The following ARIH1 variants were observed in gnomAD, a reference collection of about 807,000 sequenced individuals.
ARIH1 encodes the protein E3 ubiquitin-protein ligase ARIH1.
In ARIH1, 8 loss-of-function variants were observed where a neutral mutation model predicts 85.0. That is an observed-to-expected ratio of 0.09 (90% CI 0.06 to 0.17). The LOEUF (loss-of-function observed/expected upper bound fraction) is 0.17. Ranked by LOEUF, ARIH1 falls within the 10% of genes least tolerant of loss-of-function variation. The pLI, the probability that ARIH1 is intolerant of heterozygous loss-of-function variation, is 1.00. For missense variants in ARIH1, 311 were observed against 718.1 expected, an observed-to-expected ratio of 0.43 and a Z score of 6.48; for synonymous variants, 238 against 253.6, an observed-to-expected ratio of 0.94 and a Z score of 0.59.
At chr15:72,539,535 GA>G (rs1291605607) in intron 2 of ARIH1, among the ~76,000 whole-genome samples, 3 of 152,150 alleles carry the variant, frequency 2.0e-5, no homozygotes, top group African/African-American at 7.2e-5. Context: ...AGGCATTACA[GA>G]AAATAGGTCT....
intron 2 of ARIH1, among the ~76,000 whole-genome samples, chr15:72,532,169 T>TTC (rs1160774513): frequency 6.6e-6 from 1 of 151,812 alleles, no homozygotes; most frequent in African/African-American, 2.4e-5. Flanking sequence ...CGTAAGATTT[T>TTC]TTTTTTTTTT....
In ARIH1 at chr15:72,545,110, G is replaced by A. The variant is rs1454002896; in HGVS notation, c.588+146G>A. 3 of 705,044 alleles carry A rather than the reference G, an allele frequency of 4.3e-6. No homozygotes were observed. In the Admixed American group the frequency reaches 1.2e-4, roughly 28 times the overall value. The allele number at this position is 705,044 out of a possible 1,614,324, so 43.7% of individuals were successfully genotyped here. ...TATCAATGTATTCAGTGTGAGGAAAGGAAGAAAAAGAGTAAAAGCTTGGTT... is the reference window on the plus strand; with the variant it reads ...TATCAATGTATTCAGTGTGAGGAAAAGAAGAAAAAGAGTAAAAGCTTGGTT... On this transcript the variant is annotated intron_variant, in intron 3 of 13. Transcript: ENST00000379887.
At position 72,595,309 on chromosome 15, in the gene ARIH1, A is replaced by T. The variant is rs954281269; in HGVS notation, c.*12017A>T. 4 of 152,166 alleles carry T rather than the reference A, an allele frequency of 2.6e-5. No homozygotes were observed. The highest frequency in any genetic ancestry group is 9.7e-5 in the African/African-American group (4 of 41,390). The allele number at this position is 152,166 out of a possible 1,614,324, so 9.4% of individuals were successfully genotyped here. On this transcript the variant is annotated 3_prime_UTR_variant, in exon 14 of 14. Coordinates refer to ENST00000379887, the MANE Select transcript of ARIH1 (RefSeq NM_005744.5). ...ACCCTCCTGCCTCAGCCTCCTGAGT[A>T]GCTAGGAATACAGGTGCATGTCACC...
At chr15:72,488,713 CT>C (rs1397518775) in intron 1 of ARIH1, among the ~76,000 whole-genome samples, 1 of 152,144 alleles carries the variant, frequency 6.6e-6, no homozygotes, top group Non-Finnish European at 1.5e-5. Flanking sequence ...TCTCAGTTTC[CT>C]TGTGGTAAAC....
At chr15:72,507,736 TG>T (rs543328365) in intron 1 of ARIH1, among the ~76,000 whole-genome samples, 28 of 152,238 alleles carry the variant, frequency 1.8e-4, no homozygotes, top group Non-Finnish European at 3.4e-4. Flanking sequence ...GAGAACTACT[TG>T]ATCAAAGGAT....
intron 1 of ARIH1, among the ~76,000 whole-genome samples, chr15:72,476,364 G>A (rs955913322): frequency 9.2e-5 from 14 of 152,100 alleles, no homozygotes; most frequent in African/African-American, 3.4e-4. Flanking sequence ...GATTGTAGAA[G>A]ATAATTTTTT....
intron 1 of ARIH1, among the ~76,000 whole-genome samples, chr15:72,480,263 ATTT>A (rs762120667): frequency 7.3e-6 from 1 of 136,182 alleles, no homozygotes; most frequent in Admixed American, 7.5e-5. Context: ...GAACCTTCAA[ATTT>A]TTTTTTTTTT....
At chr15:72,475,222 G>A (rs2063789747) in intron 1 of ARIH1, 2 of 1,166,362 alleles carry the variant, frequency 1.7e-6, no homozygotes, top group Non-Finnish European at 2.2e-6. Flanking sequence ...GTGCGCTGGG[G>A]GCGGTGCTTC....
chr15:72,493,002 C>G (rs1281214378), intron 1 of ARIH1, among the ~76,000 whole-genome samples: 1 of 152,040 alleles, frequency 6.6e-6, no homozygotes, highest in African/African-American at 2.4e-5. Context: ...AATGGTTATC[C>G]TAGCCAACCA....
At chr15:72,533,923 AT>A (rs2064069483) in intron 2 of ARIH1, among the ~76,000 whole-genome samples, 1 of 152,072 alleles carries the variant, frequency 6.6e-6, no homozygotes, top group Non-Finnish European at 1.5e-5. Context: ...AGAAAAAGTC[AT>A]ATATAAGCAT....
chr15:72,482,779 C>G (rs1405465075), intron 1 of ARIH1, among the ~76,000 whole-genome samples: 1 of 150,806 alleles, frequency 6.6e-6, no homozygotes, highest in South Asian at 2.1e-4. Flanking sequence ...GGGCCTCTGG[C>G]TTATGGTCTC....
chr15:72,488,398 T>A (rs2063845832), intron 1 of ARIH1, among the ~76,000 whole-genome samples: 1 of 152,124 alleles, frequency 6.6e-6, no homozygotes, highest in Non-Finnish European at 1.5e-5. Flanking sequence ...CTTAACTGCC[T>A]GATATATTCC....
At chr15:72,498,293 T>C (rs896995854) in intron 1 of ARIH1, among the ~76,000 whole-genome samples, 2 of 152,230 alleles carry the variant, frequency 1.3e-5, no homozygotes, top group African/African-American at 2.4e-5. Context: ...TCACTTCTGC[T>C]CCAATTCTAC....
At chr15:72,558,447 G>A (rs900674026) in intron 5 of ARIH1, among the ~76,000 whole-genome samples, 1 of 152,128 alleles carries the variant, frequency 6.6e-6, no homozygotes, top group Non-Finnish European at 1.5e-5. Flanking sequence ...GATTACAGGT[G>A]TACACCATCA....
At position 72,563,495 on chromosome 15, in the gene ARIH1, A is replaced by G. The variant is rs900089728; in HGVS notation, c.906A>G (p.Gln302=). Residue 302 remains glutamine (Q), a synonymous_variant, in exon 7 of 14, where the codon CAA becomes CAG. Transcript: ENST00000379887. ...CTGTTCGCTGCAAATGTGGGCGCCA[A>G]TTTTGGTAAGCAAGTGATTTCCTAA... The part of the protein sequence containing the change: ...AKPVRCKCGR[Q]FCFNCGENWH... The G allele has an allele frequency of 2.5e-6, 4 of 1,613,354 alleles. No homozygotes were observed. In the African/African-American group the frequency reaches 5.3e-5, roughly 22 times the overall value.
Position 72,475,000 on chromosome 15 carries a change from A to C in ARIH1, c.361A>C (p.Asn121His). 2 of 1,557,216 alleles carry C rather than the reference A, an allele frequency of 1.3e-6. No individual in the cohort carries two copies. The highest frequency in any genetic ancestry group is 2.4e-5 in the East Asian group (1 of 42,164). ...CATGGTGGAATGTATCCGGGAGGTC[A>C]ACGAGGTCATCCAGGTGAGGGTGGC... ...QHMVECIREV[N>H]EVIQNPATIT... Residue 121 changes from asparagine (N) to histidine (H), a missense_variant, in exon 1 of 14, where the codon AAC becomes CAC. Asn to His is a moderately conservative substitution (Grantham distance 68). Coordinates refer to ENST00000379887, the MANE Select transcript of ARIH1 (RefSeq NM_005744.5).
At position 72,589,126 on chromosome 15, in the gene ARIH1, CTTTTGTCTGTATCT is replaced by C; in HGVS notation, c.*5836_*5849del. ...TGAGTGCTTTTTGCCAGATGCCTTA[CTTTTGTCTGTATCT>C]TCCAAGCAGCCCTAAAGCAAAATGG... On this transcript the variant is annotated 3_prime_UTR_variant, in exon 14 of 14. Transcript: ENST00000379887. The C allele has an allele frequency of 6.6e-6, 1 of 152,250 alleles. No homozygotes were observed. Among genetic ancestry groups the C allele is most frequent in the Non-Finnish European group, 1.5e-5 (1 of 68,004 alleles). The allele number at this position is 152,250 out of a possible 1,614,324, so 9.4% of individuals were successfully genotyped here.
intron 1 of ARIH1, among the ~76,000 whole-genome samples, chr15:72,503,744 T>C (rs141251233): frequency 2.6e-4 from 40 of 152,352 alleles, no homozygotes; most frequent in Non-Finnish European, 5.4e-4. Context: ...TTTGGACTTG[T>C]GATGGAGGTG....
At chr15:72,527,667 T>C (rs1395539497) in intron 2 of ARIH1, among the ~76,000 whole-genome samples, 1 of 152,222 alleles carries the variant, frequency 6.6e-6, no homozygotes, top group Non-Finnish European at 1.5e-5. Flanking sequence ...GGAGCATCTT[T>C]GGAATTGTAC....
Sources: allele counts gnomAD v4.1 joint callset (sites outside exome capture counted in the v4.1 genomes callset), GRCh38; gene constraint gnomAD v4.1.1; transcripts MANE v1.5; gene names NCBI Gene and HGNC (gene_info 2026-07-23, HGNC 2026-07-21).